The following TRPC5 variants were observed in gnomAD, a reference collection of about 807,000 sequenced individuals.
The protein encoded by TRPC5 is short transient receptor potential channel 5.
A neutral mutation model predicts 56.5 loss-of-function variants in TRPC5; 9 were observed. That is an observed-to-expected ratio of 0.16 (90% CI 0.10 to 0.28). TRPC5 has a LOEUF of 0.28. TRPC5 is among the 10% of genes least tolerant of loss of function. The probability of loss-of-function intolerance (pLI) is 1.00; values close to 1 mark genes in which losing one functional copy is unlikely to be tolerated. For missense variants in TRPC5, 469 were observed against 748.9 expected (o/e 0.63, Z 4.36); for synonymous variants, 282 against 278.5 (o/e 1.01, Z -0.13).
chrX:111,813,764 GA>G (rs1315342645), intron 7 of TRPC5, among the ~76,000 whole-genome samples: 1 of 112,281 alleles, frequency 8.9e-6, no homozygotes, highest in African/African-American at 3.2e-5. Context: ...TGGGCAGGGG[GA>G]CATATTGGGA....
chrX:112,053,824 G>T (rs1242958703), intron 1 of TRPC5, among the ~76,000 whole-genome samples: 1 of 112,325 alleles, frequency 8.9e-6, no homozygotes, highest in Non-Finnish European at 1.9e-5. Context: ...GATAGACATG[G>T]AACCAGGTTC....
At chrX:111,823,078 A>G (rs1232706231) in intron 7 of TRPC5, among the ~76,000 whole-genome samples, 1 of 112,328 alleles carries the variant, frequency 8.9e-6, no homozygotes, top group Admixed American at 9.4e-5. Context: ...GCAAGTATCA[A>G]AGAATGTTGC....
At chrX:111,829,606 G>A (rs1047036078) in intron 7 of TRPC5, among the ~76,000 whole-genome samples, 2 of 112,414 alleles carry the variant, frequency 1.8e-5, no homozygotes, top group Middle Eastern at 4.6e-3. Context: ...TTTTCCAGCC[G>A]ATCTAGCCAT....
At chrX:111,920,639 A>G (rs767921245) in intron 2 of TRPC5, among the ~76,000 whole-genome samples, 15 of 111,871 alleles carry the variant, frequency 1.3e-4, no homozygotes, top group African/African-American at 4.9e-4. Flanking sequence ...ATTGATAACA[A>G]TATCTGGAGC....
intron 2 of TRPC5, chrX:111,930,775 A>G (rs1926389960): frequency 9.0e-6 from 1 of 110,946 alleles, no homozygotes; most frequent in Non-Finnish European, 1.9e-5. Flanking sequence ...CACACCCTCA[A>G]GAAGGTTTGG....
intron 7 of TRPC5, among the ~76,000 whole-genome samples, chrX:111,783,682 G>C (rs1353875617): frequency 9.1e-6 from 1 of 110,271 alleles, no homozygotes; most frequent in East Asian, 2.8e-4. Flanking sequence ...TATATGGCTT[G>C]CAAATATTTT....
chrX:111,931,480 C>T (rs1926414134), intron 2 of TRPC5, among the ~76,000 whole-genome samples: 1 of 111,851 alleles, frequency 8.9e-6, no homozygotes, highest in Non-Finnish European at 1.9e-5. Context: ...TATGACGTAT[C>T]TTCATTTTGC....
At chrX:111,822,311 G>A (rs755308468) in intron 7 of TRPC5, among the ~76,000 whole-genome samples, 3 of 111,742 alleles carry the variant, frequency 2.7e-5, no homozygotes, top group African/African-American at 6.5e-5. Flanking sequence ...AGTCCTAAGC[G>A]ACCTATTCAT....
intron 1 of TRPC5, among the ~76,000 whole-genome samples, chrX:111,956,017 C>T (rs1364975422): frequency 1.8e-5 from 2 of 112,596 alleles, no homozygotes; most frequent in Admixed American, 1.9e-4. Flanking sequence ...ATCATGTTCC[C>T]TCTTTTCTTT....
At chrX:111,909,734 G>C (rs1252246039) in intron 3 of TRPC5, among the ~76,000 whole-genome samples, 1 of 110,961 alleles carries the variant, frequency 9.0e-6, no homozygotes, top group Non-Finnish European at 1.9e-5. Context: ...GTAGCATAAA[G>C]ATATTGTGTA....
intron 7 of TRPC5, among the ~76,000 whole-genome samples, chrX:111,832,683 T>C (rs1922446151): frequency 9.0e-6 from 1 of 111,633 alleles, no homozygotes; most frequent in African/African-American, 3.3e-5. Context: ...TCAGAATGGT[T>C]GGCCATGACT....
chrX:112,071,818 C>G (rs754591111), intron 1 of TRPC5, among the ~76,000 whole-genome samples: 91 of 111,873 alleles, frequency 8.1e-4, no homozygotes, highest in African/African-American at 2.8e-3. Context: ...GGTTTTCTGT[C>G]CCCTGTCCTA....
intron 6 of TRPC5, among the ~76,000 whole-genome samples, chrX:111,842,103 G>GTGTATATATATATTTTATATATATA (rs1922758875): frequency 1.2e-5 from 1 of 86,832 alleles, no homozygotes; most frequent in African/African-American, 7.1e-5. Flanking sequence ...ATATGTATGT[G>GTGTATATATATATTTTATATATATA]TGTATATATA....
intron 3 of TRPC5, among the ~76,000 whole-genome samples, chrX:111,894,787 A>T (rs1376004335): frequency 9.0e-6 from 1 of 111,678 alleles, no homozygotes; most frequent in Non-Finnish European, 1.9e-5. Context: ...TTAAGGGTGC[A>T]TATCAATGCT....
intron 3 of TRPC5, among the ~76,000 whole-genome samples, chrX:111,857,344 G>A (rs1245916641): frequency 9.0e-6 from 1 of 111,548 alleles, no homozygotes; most frequent in African/African-American, 3.3e-5. Context: ...AGGTAGAATT[G>A]GCAGGATGTG....
intron 1 of TRPC5, among the ~76,000 whole-genome samples, chrX:111,968,237 C>G (rs770507883): frequency 0.013 from 1,410 of 111,211 alleles, 29 homozygotes; most frequent in African/African-American, 0.044. Flanking sequence ...CTCATCATCA[C>G]TGGCCATCAG....
intron 3 of TRPC5, among the ~76,000 whole-genome samples, chrX:111,898,286 C>T (rs757244075): frequency 1.6e-4 from 15 of 93,341 alleles, no homozygotes; most frequent in Middle Eastern, 5.3e-3. Context: ...TAGACACACA[C>T]GCGTGTGTGC....
At chrX:111,922,810 T>A (rs1363894937) in intron 2 of TRPC5, among the ~76,000 whole-genome samples, 1 of 111,644 alleles carries the variant, frequency 9.0e-6, no homozygotes, top group East Asian at 2.8e-4. Flanking sequence ...CCTTTAAAAA[T>A]GTCAATATTG....
At chrX:111,905,650 C>G (rs1322319942) in intron 3 of TRPC5, among the ~76,000 whole-genome samples, 6 of 111,786 alleles carry the variant, frequency 5.4e-5, no homozygotes, top group Middle Eastern at 9.3e-3. Flanking sequence ...CGCGGTGGCT[C>G]ACGCCTGTAA....
Sources: allele counts gnomAD v4.1 joint callset (sites outside exome capture counted in the v4.1 genomes callset), GRCh38; gene constraint gnomAD v4.1.1; transcripts MANE v1.5; gene names NCBI Gene and HGNC (gene_info 2026-07-23, HGNC 2026-07-21).